MTFR2: variants seen among roughly 807,000 people sequenced by gnomAD.
MTFR2 encodes the protein mitochondrial fission regulator 2, also known as DUF729 domain-containing protein 1.
Under a neutral mutation model 41.2 loss-of-function variants are expected in MTFR2, and 44 were observed. That is an observed-to-expected ratio of 1.07 (90% CI 0.84 to 1.37). The LOEUF (loss-of-function observed/expected upper bound fraction) is 1.37, where lower values mean the gene tolerates loss of function less well. MTFR2 is among the 40% of genes most tolerant of loss of function. The pLI is 0.00. For synonymous variants in MTFR2, 141 were observed against 154.6 expected (o/e 0.91, Z 0.65); for missense variants, 452 against 459.5 (o/e 0.98, Z 0.15).
At chr6:136,238,765 A>G (rs1020291418) in intron 6 of MTFR2, among the ~76,000 whole-genome samples, 8 of 151,970 alleles carry the variant, frequency 5.3e-5, no homozygotes, top group African/African-American at 1.9e-4. Flanking sequence ...AATAAAATGT[A>G]GTCAAAATAT....
rs771134744 is a variant in MTFR2, at chr6:136,242,810, T to C, written c.281+51A>G. ...ATCAATCTTAACAAGCTTCGACACATGCAAGAATTCAGTTTATAGCCCACT... is the reference window on the plus strand; with the variant it reads ...ATCAATCTTAACAAGCTTCGACACACGCAAGAATTCAGTTTATAGCCCACT... On this transcript the variant is annotated intron_variant, in intron 4 of 7. Coordinates refer to ENST00000420702, the MANE Select transcript of MTFR2 (RefSeq NM_001099286.3). 8 of 1,399,274 alleles carry C rather than the reference T, an allele frequency of 5.7e-6. No homozygotes were observed. The Admixed American group carries it at 7.4e-5, about 13-fold the overall frequency. 86.7% of individuals were successfully genotyped at this position (1,399,274 alleles called of 1,614,324 possible).
rs202051645 is a variant in MTFR2 at position 136,249,119 on chromosome 6, G to A, written c.-20C>T. 8.5e-4 allele frequency: 1,329 copies of A among 1,560,060 alleles called. 2 individuals are homozygous for A. Among genetic ancestry groups the A allele is most frequent in the Middle Eastern group, 2.4e-3 (14 of 5,946 alleles). On this transcript the variant is annotated 5_prime_UTR_variant, in exon 2 of 8. Transcript: ENST00000420702. ...AGACATTGATGAAGCAAATACAGAA[G>A]CCAATTCAAAGGAACATTATCAGTT...
chr6:136,231,962 G>C (rs1383613884), intron 7 of MTFR2, among the ~76,000 whole-genome samples: 1 of 152,110 alleles, frequency 6.6e-6, no homozygotes, highest in Non-Finnish European at 1.5e-5. Context: ...CATTTTCGGG[G>C]GAAAAGGGAT....
chr6:136,239,171 G>A (rs535155884), intron 6 of MTFR2, among the ~76,000 whole-genome samples: 48 of 152,326 alleles, frequency 3.2e-4, no homozygotes, highest in African/African-American at 1.0e-3. Context: ...ATGTGTGTGT[G>A]TGTCCTGGGT....
rs2128459147 is a variant in MTFR2, at chr6:136,244,752, TTGACTGAC to T, written c.168+5_168+12del. The stretch of plus-strand genomic sequence containing the variant: ...GTACTTGGTACTTAAACAATTTATG[TTGACTGAC>T]TTACCTCAAAATTAGGTCTTCGACA... On this transcript the variant is annotated splice_donor_5th_base_variant and intron_variant, in intron 3 of 7. Coordinates refer to ENST00000420702, the MANE Select transcript of MTFR2 (RefSeq NM_001099286.3). The T allele has an allele frequency of 6.3e-7, 1 of 1,575,614 alleles. No homozygotes were observed. The highest frequency in any genetic ancestry group is 8.7e-7 in the Non-Finnish European group (1 of 1,145,896).
In MTFR2 at chr6:136,249,159, G is replaced by T; in HGVS notation, c.-54-6C>A. The T allele has an allele frequency of 7.0e-7, 1 of 1,428,294 alleles. No homozygotes were observed. The highest frequency in any genetic ancestry group is 2.6e-5 in the Admixed American group (1 of 38,196). The allele number at this position is 1,428,294 out of a possible 1,614,324, so 88.5% of individuals were successfully genotyped here. On this transcript the variant is annotated splice_polypyrimidine_tract_variant and splice_region_variant and intron_variant, in intron 1 of 7. Coordinates refer to ENST00000420702, the MANE Select transcript of MTFR2 (RefSeq NM_001099286.3). ...CATTATCAGTTTCTTGGTGCCTTTG[G>T]GGAAAATTTTAGAAAATGTTACTCT...
chr6:136,246,127 A>G (rs975792659), intron 2 of MTFR2, among the ~76,000 whole-genome samples: 7 of 152,238 alleles, frequency 4.6e-5, no homozygotes, highest in Non-Finnish European at 1.0e-4. Context: ...CCTATGACAT[A>G]TACAGTCACC....
rs201807348 is a variant in MTFR2 at position 136,239,795 on chromosome 6, G to T, written c.540C>A (p.Arg180=). 187 of 1,610,326 alleles carry T rather than the reference G, an allele frequency of 1.2e-4. 2 individuals carry two copies. In the Admixed American group the frequency reaches 3.1e-3, roughly 27 times the overall value. ...NSSSFGLSDE[R]ISLGQLSSSR... ...ATGATGACAGCTGACCCAAACTAAT[G>T]CGCTCGTCACTCAAGCCAAAGGAAC... Residue 180 remains arginine, a synonymous_variant, in exon 6 of 8, where the codon CGC becomes CGA. Coordinates refer to ENST00000420702, the MANE Select transcript of MTFR2 (RefSeq NM_001099286.3).
At chr6:136,232,295 G>A (rs532537726) in intron 7 of MTFR2, among the ~76,000 whole-genome samples, 2 of 151,534 alleles carry the variant, frequency 1.3e-5, no homozygotes, top group South Asian at 2.1e-4. Flanking sequence ...TAGCTCTGTC[G>A]CCAGGCTGGA....
chr6:136,243,855 T>C (rs1780148876), intron 3 of MTFR2, among the ~76,000 whole-genome samples: 1 of 151,988 alleles, frequency 6.6e-6, no homozygotes, highest in Non-Finnish European at 1.5e-5. Context: ...TAGGACAAGA[T>C]GTGGAGGTAG....
At chr6:136,249,797 A>G (rs1780316227) in intron 1 of MTFR2, among the ~76,000 whole-genome samples, 179 bp downstream of exon 1, 1 of 152,116 alleles carries the variant, frequency 6.6e-6, no homozygotes, top group African/African-American at 2.4e-5. Context: ...AGGCCTCCCC[A>G]GCCATGTGGA....
At chr6:136,244,731 T>G in intron 3 of MTFR2, 34 bp downstream of exon 3, 1 of 1,417,168 alleles carries the variant, frequency 7.1e-7, no homozygotes, top group Non-Finnish European at 1.0e-6. Context: ...TATTTTGTAC[T>G]TGGTACTTAA....
Position 136,233,322 on chromosome 6 carries a change from T to C in MTFR2, c.1044+3A>G. On this transcript the variant is annotated splice_donor_region_variant and intron_variant, in intron 7 of 7. Transcript: ENST00000420702. ...AAATTAATTTTACATTAGTGTAGCT[T>C]ACCCTTGAAGTTTCTGGACTAGAAA... 6.2e-7 allele frequency: 1 copy of C among 1,610,920 alleles called. No individual in the cohort carries two copies. Among genetic ancestry groups the C allele is most frequent in the South Asian group, 1.1e-5 (1 of 90,764 alleles).
chr6:136,248,241 G>T (rs973312507), intron 2 of MTFR2, among the ~76,000 whole-genome samples: 8 of 152,096 alleles, frequency 5.3e-5, no homozygotes, highest in Non-Finnish European at 1.2e-4. Flanking sequence ...CAAGCATATT[G>T]TCTTAGATAC....
intron 2 of MTFR2, 65 bp from the exon 3 acceptor site, chr6:136,244,934 A>C (rs1249839679): frequency 8.0e-7 from 1 of 1,244,640 alleles, no homozygotes; most frequent in South Asian, 1.4e-5. Context: ...TAAGTATGAA[A>C]AAAGGAGATG....
Position 136,241,581 on chromosome 6 carries a change from T to A in MTFR2, c.377A>T (p.Glu126Val), listed in dbSNP as rs778379033. The change falls in exon 5 of 8, where the codon GAA becomes GTA. Residue 126 changes from glutamate (E) to valine (V), a missense_variant. By Grantham distance (121) the Glu-to-Val change is moderately radical. Coordinates refer to ENST00000420702, the MANE Select transcript of MTFR2 (RefSeq NM_001099286.3). ...TACAGGCAGGTCATTTTTCACAGTT[T>A]CTTTCTGTCTTACAGCAGGTGACAG... ...DPLSPAVRQK[E>V]TVKNDLPVNE... 1 of 1,614,194 alleles carries A rather than the reference T, an allele frequency of 6.2e-7. No homozygotes were observed. The highest frequency in any genetic ancestry group is 8.5e-7 in the Non-Finnish European group (1 of 1,180,038).
intron 6 of MTFR2, among the ~76,000 whole-genome samples, chr6:136,236,223 T>C (rs1423623910): frequency 1.3e-5 from 2 of 151,980 alleles, no homozygotes; most frequent in Non-Finnish European, 2.9e-5. Flanking sequence ...AGGAGAAGGA[T>C]GAAGTATAGA....
chr6:136,231,958 C>G (rs1231484517), intron 7 of MTFR2, among the ~76,000 whole-genome samples: 1 of 151,980 alleles, frequency 6.6e-6, no homozygotes, highest in Non-Finnish European at 1.5e-5. Flanking sequence ...CTCACATTTT[C>G]GGGGGAAAAG....
rs1183603484 is a variant in MTFR2, at chr6:136,231,142, G to A, written c.*133C>T. 3.3e-6 allele frequency: 2 copies of A among 604,730 alleles called. No homozygotes were observed. Among genetic ancestry groups the A allele is most frequent in the East Asian group, 2.8e-5 (1 of 35,372 alleles). 37.5% of individuals were successfully genotyped at this position (604,730 alleles called of 1,614,324 possible). A position where few individuals can be genotyped will look rare whatever the true frequency, so the allele number is the denominator to read the frequency against. On this transcript the variant is annotated 3_prime_UTR_variant, in exon 8 of 8. Transcript: ENST00000420702. ...AGGCATACATATTTACATAGCAAGT[G>A]TAGGCAAAATGTGTCAAGAAGAGTC...
Sources: gnomAD v4.1 joint callset for allele counts (sites outside exome capture counted in the v4.1 genomes callset) on GRCh38, gnomAD v4.1.1 for gene constraint, MANE v1.5 for transcripts, NCBI Gene and HGNC (gene_info 2026-07-23, HGNC 2026-07-21) for gene names.